RPS6KC1: variants seen among roughly 807,000 people sequenced by gnomAD.
The protein encoded by RPS6KC1 is inactive ribosomal protein S6 kinase delta-1.
Under a neutral mutation model 103.8 loss-of-function variants are expected in RPS6KC1, and 54 were observed. That is an observed-to-expected ratio of 0.52 (90% CI 0.42 to 0.65). The LOEUF (loss-of-function observed/expected upper bound fraction) is 0.65. Ranked by LOEUF, RPS6KC1 falls within the 30% of genes least tolerant of loss-of-function variation. The pLI, the probability that RPS6KC1 is intolerant of heterozygous loss-of-function variation, is 0.00. For missense variants in RPS6KC1, 1,151 were observed against 1,253.8 expected (o/e 0.92, Z 1.24); for synonymous variants, 439 against 438.7 (o/e 1.00, Z -0.01).
At chr1:213,684,567 G>A in the RPS6KC1 span, among the ~76,000 whole-genome samples, 3 of 152,152 alleles carry the variant, frequency 2.0e-5, no homozygotes, top group African/African-American at 7.2e-5. Context: ...TTTCCCTTGA[G>A]GAACTGTCCC....
chr1:213,354,613 C>T, the RPS6KC1 span, among the ~76,000 whole-genome samples: 1 of 152,106 alleles, frequency 6.6e-6, no homozygotes, highest in African/African-American at 2.4e-5. Flanking sequence ...CTGGTGAGGG[C>T]CTTCTTGCTG....
chr1:213,540,945 C>T, the RPS6KC1 span, among the ~76,000 whole-genome samples: 1 of 151,972 alleles, frequency 6.6e-6, no homozygotes, highest in Non-Finnish European at 1.5e-5. Flanking sequence ...ACTCCTCATC[C>T]ATTTAAGTTT....
the RPS6KC1 span, among the ~76,000 whole-genome samples, chr1:213,464,423 A>G: frequency 2.0e-5 from 3 of 152,198 alleles, no homozygotes; most frequent in Non-Finnish European, 4.4e-5. Flanking sequence ...TTCTCTTACA[A>G]TTAAAAAATT....
the RPS6KC1 span, among the ~76,000 whole-genome samples, chr1:213,436,378 T>TA: frequency 0.017 from 2,579 of 152,306 alleles, 91 homozygotes; most frequent in African/African-American, 0.058. Context: ...GTGATAGAAT[T>TA]ATAATTTATT....
chr1:213,573,204 C>T, the RPS6KC1 span, among the ~76,000 whole-genome samples: 3 of 152,194 alleles, frequency 2.0e-5, no homozygotes, highest in South Asian at 6.2e-4. Flanking sequence ...TTTCTTTCCC[C>T]TGCTAGTTAA....
At chr1:213,485,912 T>C in the RPS6KC1 span, among the ~76,000 whole-genome samples, 1 of 152,214 alleles carries the variant, frequency 6.6e-6, no homozygotes, top group Non-Finnish European at 1.5e-5. Context: ...ATTTGTCATT[T>C]ACAAAAAGAG....
At chr1:213,124,675 A>G (rs931083201) in intron 5 of RPS6KC1, among the ~76,000 whole-genome samples, 6 of 152,176 alleles carry the variant, frequency 3.9e-5, no homozygotes, top group Non-Finnish European at 5.9e-5. Context: ...TGGTGGTGAA[A>G]GGAGTTTTTA....
chr1:213,391,835 T>A, the RPS6KC1 span, among the ~76,000 whole-genome samples: 5 of 152,330 alleles, frequency 3.3e-5, no homozygotes, highest in Admixed American at 2.6e-4. Context: ...CATTTCTGCT[T>A]CTATTCCTGT....
At chr1:213,409,117 C>T in the RPS6KC1 span, among the ~76,000 whole-genome samples, 11 of 152,074 alleles carry the variant, frequency 7.2e-5, no homozygotes, top group East Asian at 3.9e-4. Flanking sequence ...CACTGCTTTC[C>T]GTTCAACCTG....
chr1:213,495,508 G>T, the RPS6KC1 span, among the ~76,000 whole-genome samples: 1 of 152,138 alleles, frequency 6.6e-6, no homozygotes, highest in Non-Finnish European at 1.5e-5. Context: ...TTTTAGTAGA[G>T]ACGGGGTTTC....
the RPS6KC1 span, among the ~76,000 whole-genome samples, chr1:213,764,749 C>A: frequency 6.6e-6 from 1 of 152,264 alleles, no homozygotes; most frequent in East Asian, 1.9e-4. Flanking sequence ...AAGGTCATAT[C>A]CTGGAGCAAG....
chr1:213,502,986 C>A, the RPS6KC1 span, among the ~76,000 whole-genome samples: 2 of 151,910 alleles, frequency 1.3e-5, no homozygotes, highest in African/African-American at 2.4e-5. Context: ...ATTCTATTCC[C>A]GTAATCAAGC....
chr1:213,343,425 A>G, the RPS6KC1 span, among the ~76,000 whole-genome samples: 2 of 58,930 alleles, frequency 3.4e-5, no homozygotes, highest in African/African-American at 4.6e-5. Context: ...ATATATATAT[A>G]TATATATATA....
chr1:213,174,221 T>C (rs1291688043), intron 7 of RPS6KC1, among the ~76,000 whole-genome samples: 1 of 152,182 alleles, frequency 6.6e-6, no homozygotes, highest in Non-Finnish European at 1.5e-5. Context: ...TCTTCCACTG[T>C]CTCTCTTCCT....
the RPS6KC1 span, among the ~76,000 whole-genome samples, chr1:213,804,897 C>A: frequency 6.6e-6 from 1 of 152,264 alleles, no homozygotes; most frequent in Middle Eastern, 3.4e-3. Context: ...TGCAGGCATA[C>A]CTTGGAGATA....
the RPS6KC1 span, among the ~76,000 whole-genome samples, chr1:213,633,370 C>T: frequency 6.6e-6 from 1 of 152,186 alleles, no homozygotes; most frequent in Non-Finnish European, 1.5e-5. Context: ...CTCTACAAGC[C>T]AGAAGAGAAT....
chr1:213,372,105 C>T, the RPS6KC1 span, among the ~76,000 whole-genome samples: 3 of 152,164 alleles, frequency 2.0e-5, no homozygotes, highest in African/African-American at 4.8e-5. Context: ...AGACAGGCAG[C>T]GGAAGTGGAA....
chr1:213,548,014 G>A, the RPS6KC1 span, among the ~76,000 whole-genome samples: 2 of 152,198 alleles, frequency 1.3e-5, no homozygotes, highest in Non-Finnish European at 2.9e-5. Context: ...TATAGTAAGT[G>A]CCAAAAAAGT....
chr1:213,520,584 T>C, the RPS6KC1 span, among the ~76,000 whole-genome samples: 1 of 152,140 alleles, frequency 6.6e-6, no homozygotes, highest in Non-Finnish European at 1.5e-5. Context: ...TCTCCCTCCT[T>C]CTGTTCTTCC....
Sources: gnomAD v4.1 joint callset for allele counts (sites outside exome capture counted in the v4.1 genomes callset) on GRCh38, gnomAD v4.1.1 for gene constraint, MANE v1.5 for transcripts, NCBI Gene and HGNC (gene_info 2026-07-23, HGNC 2026-07-21) for gene names.